POC1A: variants seen among roughly 807,000 people sequenced by gnomAD.
POC1A encodes POC1 centriolar protein A.
Under a neutral mutation model 47.8 loss-of-function variants are expected in POC1A, and 34 were observed. The ratio of observed to expected loss-of-function variants is 0.71; its 90% confidence interval spans 0.54 to 0.95. The LOEUF (loss-of-function observed/expected upper bound fraction) is 0.95. Ranked by LOEUF, POC1A falls within the 40% of genes least tolerant of loss-of-function variation. The pLI is 0.00. For synonymous variants in POC1A, 177 were observed against 207.6 expected, an observed-to-expected ratio of 0.85 and a Z score of 1.27; for missense variants, 466 against 528.3, an observed-to-expected ratio of 0.88 and a Z score of 1.16.
At position 52,138,234 on chromosome 3, in the gene POC1A, C is replaced by T; in HGVS notation, c.748G>A (p.Asp250Asn). 1 of 1,614,154 alleles carries T rather than the reference C, an allele frequency of 6.2e-7. No individual in the cohort carries two copies. The highest frequency in any genetic ancestry group is 1.1e-5 in the South Asian group (1 of 91,076). The change falls in exon 7 of 11, where the codon GAC becomes AAC. Residue 250 changes from aspartate (D) to asparagine (N), a missense_variant. Asp to Asn is a conservative substitution (Grantham distance 23). Coordinates refer to ENST00000296484, the MANE Select transcript of POC1A (RefSeq NM_015426.5). ...AGGTCCAGGATCTTCAGGGTTGAGT[C>T]ACTGGAGGCTGTGATCAGGTAGTTT... ...SGNYLITASS[D>N]STLKILDLME... is the part of the protein sequence containing the mutation.
intron 1 of POC1A, among the ~76,000 whole-genome samples, chr3:52,153,064 T>G (rs2107219732): frequency 6.6e-6 from 1 of 152,368 alleles, no homozygotes; most frequent in South Asian, 2.1e-4. Flanking sequence ...AGTTTCTTTT[T>G]GGGATGATGA....
At chr3:52,076,079 C>G (rs560722853) in intron 10 of POC1A, 94 bp from the exon 11 acceptor site, 113 of 895,792 alleles carry the variant, frequency 1.3e-4, no homozygotes, top group Middle Eastern at 3.2e-4. Flanking sequence ...CTGCCTCAGC[C>G]ACTGCCCAAA....
intron 10 of POC1A, among the ~76,000 whole-genome samples, chr3:52,095,848 G>A (rs1702795220): frequency 6.6e-6 from 1 of 152,192 alleles, no homozygotes; most frequent in African/African-American, 2.4e-5. Flanking sequence ...CCTATTGCTG[G>A]CCACCACCTC....
chr3:52,127,708 T>A (rs1704061557), intron 7 of POC1A, among the ~76,000 whole-genome samples: 1 of 151,604 alleles, frequency 6.6e-6, no homozygotes, highest in Admixed American at 6.6e-5. Flanking sequence ...CCTTTTTTTT[T>A]TTTTTGAGAC....
intron 7 of POC1A, among the ~76,000 whole-genome samples, chr3:52,127,110 G>A (rs1158804625): frequency 6.6e-6 from 1 of 152,178 alleles, no homozygotes. Context: ...AGCAGCCCTG[G>A]GAATCCTAAG....
At chr3:52,138,415 G>C in intron 6 of POC1A, 113 bp from the exon 7 acceptor site, 2 of 1,061,694 alleles carry the variant, frequency 1.9e-6, no homozygotes, top group Non-Finnish European at 2.8e-6. Context: ...ATGGGGCTGG[G>C]TCAGGATGGT....
intron 9 of POC1A, among the ~76,000 whole-genome samples, chr3:52,106,535 C>A (rs188987093): frequency 6.6e-6 from 1 of 152,192 alleles, no homozygotes; most frequent in Non-Finnish European, 1.5e-5. Context: ...AAATAAAAAT[C>A]GTGAAGGGGT....
rs138680101 is a variant in POC1A, at chr3:52,084,394, C to G, written c.1126-8409G>C. ...TGAGGAGTTGTGGGACACTCACGAC[C>G]CGCCTTGGGGGCAGCCAACAACATC... On this transcript the variant is annotated intron_variant, in intron 10 of 10. Coordinates refer to ENST00000296484, the MANE Select transcript of POC1A (RefSeq NM_015426.5). This position sits in a 1 kb window ranked among gnomAD's most constrained non-coding sequence, Gnocchi z 4.3. 2.0e-5 allele frequency among the ~76,000 whole-genome samples: 3 copies of G among 152,198 alleles called. No homozygotes were observed. The highest frequency in any genetic ancestry group is 2.9e-5 in the Non-Finnish European group (2 of 68,036).
chr3:52,080,653 G>A (rs1240868680), intron 10 of POC1A, among the ~76,000 whole-genome samples: 1 of 152,236 alleles, frequency 6.6e-6, no homozygotes, highest in Non-Finnish European at 1.5e-5. Context: ...AGGACATAGT[G>A]ACAAGAACCT....
At chr3:52,119,335 TGATTCTAAGCTG>T (rs1024073404) in intron 9 of POC1A, among the ~76,000 whole-genome samples, 1 of 151,920 alleles carries the variant, frequency 6.6e-6, no homozygotes, top group Non-Finnish European at 1.5e-5. Flanking sequence ...CTTATTGCAG[TGATTCTAAGCTG>T]GGGACAATTC....
In POC1A at chr3:52,149,328, T is replaced by C. The variant is rs1698475260; in HGVS notation, c.337A>G (p.Ser113Gly). 6.2e-7 allele frequency: 1 copy of C among 1,614,154 alleles called. No individual in the cohort carries two copies. The highest frequency in any genetic ancestry group is 8.5e-7 in the Non-Finnish European group (1 of 1,180,008). Residue 113 changes from serine (S) to glycine (G), a missense_variant, in exon 4 of 11, where the codon AGT (serine) becomes GGT (glycine). Ser to Gly is a moderately conservative substitution (Grantham distance 56, BLOSUM62 0). Coordinates refer to ENST00000296484, the MANE Select transcript of POC1A (RefSeq NM_015426.5). ...GCTGTCACGAAGGACTGGCCATCAC[T>C]GCAGAAGTGGACACTCCTCACTGTG... The part of the protein sequence containing the change: ...TATVRSVHFC[S>G]DGQSFVTASD...
intron 7 of POC1A, among the ~76,000 whole-genome samples, chr3:52,133,635 C>T (rs1451771761): frequency 1.3e-5 from 2 of 152,150 alleles, no homozygotes; most frequent in African/African-American, 4.8e-5. Context: ...TCCTGGCGCT[C>T]CTTGTACCTT....
chr3:52,145,997 T>G (rs747050969), intron 5 of POC1A, 36 bp from the exon 6 acceptor site: 2 of 1,311,730 alleles, frequency 1.5e-6, no homozygotes, highest in South Asian at 2.4e-5. Flanking sequence ...CTATAGGAGG[T>G]CTGCCCTGGT....
intron 3 of POC1A, 142 bp downstream of exon 3, chr3:52,149,674 C>T: frequency 1.2e-6 from 1 of 817,858 alleles, no homozygotes; most frequent in Non-Finnish European, 1.9e-6. Context: ...ACTGCAGCCC[C>T]AGCCTCTGAT....
At position 52,079,946 on chromosome 3, in the gene POC1A, T is replaced by C. The variant is rs1702230418; in HGVS notation, c.1126-3961A>G. On this transcript the variant is annotated intron_variant, in intron 10 of 10. Transcript: ENST00000296484. The surrounding 1 kb of genome is among the most constrained non-coding windows in gnomAD (Gnocchi z 4.6). ...TCTTAAGTCCTCCATGTAATTGGGG[T>C]GTGGAGCTTAAACATGAGGGGGACC... 6.6e-6 allele frequency among the ~76,000 whole-genome samples: 1 copy of C among 151,944 alleles called. No homozygotes were observed. The highest frequency in any genetic ancestry group is 1.5e-5 in the Non-Finnish European group (1 of 67,982).
At chr3:52,123,251 T>G (rs1021391551) in intron 8 of POC1A, among the ~76,000 whole-genome samples, 5 of 152,172 alleles carry the variant, frequency 3.3e-5, no homozygotes, top group Admixed American at 3.3e-4. Context: ...CAGGACCATG[T>G]CCCTCGGTTC....
At chr3:52,121,421 AC>A (rs1008683945) in intron 9 of POC1A, among the ~76,000 whole-genome samples, 27 of 152,332 alleles carry the variant, frequency 1.8e-4, no homozygotes, top group Non-Finnish European at 4.4e-5. Flanking sequence ...CAGGACAGCA[AC>A]CCTTGTAAGA....
rs982417890 is a variant in POC1A, at chr3:52,084,444, C to A, written c.1126-8459G>T. Among the ~76,000 whole-genome samples the A allele has an allele frequency of 6.6e-6, 1 of 152,204 alleles. No homozygotes were observed. Among genetic ancestry groups the A allele is most frequent in the Non-Finnish European group, 1.5e-5 (1 of 68,034 alleles). On this transcript the variant is annotated intron_variant, in intron 10 of 10. Transcript: ENST00000296484. The surrounding 1 kb of genome is among the most constrained non-coding windows in gnomAD (Gnocchi z 4.3). Reference sequence around the variant, plus strand: ...CATTCACTCCCATACCTCTGTCAGGCACCCACCACAGGCAGCAAACAAGGG... The same window carrying A: ...CATTCACTCCCATACCTCTGTCAGGAACCCACCACAGGCAGCAAACAAGGG...
chr3:52,096,059 A>G (rs1316461325), intron 10 of POC1A, among the ~76,000 whole-genome samples: 1 of 152,266 alleles, frequency 6.6e-6, no homozygotes, highest in Non-Finnish European at 1.5e-5. Context: ...AATTCTCACC[A>G]TGAATGTGGC....
Sources: allele counts gnomAD v4.1 joint callset (sites outside exome capture counted in the v4.1 genomes callset), GRCh38; gene constraint gnomAD v4.1.1; non-coding constraint Gnocchi (gnomAD v3.1); transcripts MANE v1.5; gene names NCBI Gene and HGNC (gene_info 2026-07-23, HGNC 2026-07-21).